Variants in PRPF31 observed in about 807,000 individuals in gnomAD.
PRPF31 encodes U4/U6 small nuclear ribonucleoprotein Prp31.
PRPF31 carries 12 observed loss-of-function variants against 60.4 expected under a neutral mutation model. The observed-to-expected ratio is 0.20, with a 90% confidence interval of 0.13 to 0.32. The LOEUF (loss-of-function observed/expected upper bound fraction) is 0.32. PRPF31 is among the 10% of genes least tolerant of loss of function. The pLI is 1.00. For missense variants in PRPF31, 431 were observed against 687.1 expected (o/e 0.63, Z 4.17); for synonymous variants, 287 against 287.9 (o/e 1.00, Z 0.03).
intron 5 of PRPF31, chr19:54,123,121 T>TGGGGAAGCCCCTGC: frequency 1.9e-6 from 1 of 517,590 alleles, no homozygotes. Flanking sequence ...AGGATGGCGG[T>TGGGGAAGCCCCTGC]GGGGAAGCCC....
chr19:54,117,206 C>G (rs1182374457), intron 1 of PRPF31, among the ~76,000 whole-genome samples: 1 of 152,184 alleles, frequency 6.6e-6, no homozygotes, highest in Non-Finnish European at 1.5e-5. Context: ...GTAACCAACT[C>G]AAGTTTCTGC....
intron 3 of PRPF31, chr19:54,118,904 G>A (rs1047166847): frequency 1.7e-5 from 9 of 517,140 alleles, no homozygotes; most frequent in African/African-American, 7.7e-5. Flanking sequence ...TCACATGACC[G>A]GTTACAGGGT....
chr19:54,119,976 A>G (rs1600329369), intron 3 of PRPF31: 1 of 152,304 alleles, frequency 6.6e-6, no homozygotes, highest in East Asian at 1.9e-4. Context: ...GGTCTAGTGG[A>G]AGAGGCAGGC....
At position 54,118,454 on chromosome 19, in the gene PRPF31, T is replaced by C. The variant is rs907213516; in HGVS notation, c.176T>C (p.Met59Thr). Reference sequence around the variant, plus strand: ...ATCGCCAAGCTATGGGATAGTAAGATGGTAAGAGGACAAGAGGTGTTCCTA... The same window carrying C: ...ATCGCCAAGCTATGGGATAGTAAGACGGTAAGAGGACAAGAGGTGTTCCTA... ...KTIAKLWDSK[M>T]FAEIMMKIEE... Residue 59 changes from methionine (M) to threonine (T), a missense_variant and splice_region_variant, in exon 2 of 14, where the codon ATG becomes ACG. Met to Thr is a moderately conservative substitution (Grantham distance 81). Transcript: ENST00000321030. The C allele has an allele frequency of 1.2e-6, 2 of 1,613,990 alleles. No individual in the cohort carries two copies. The highest frequency in any genetic ancestry group is 1.6e-4 in the Middle Eastern group (1 of 6,084).
At position 54,121,049 on chromosome 19, in the gene PRPF31, T is replaced by C. The variant is rs150203578; in HGVS notation, c.239-811T>C. Reference sequence around the variant, plus strand: ...GCTCACGCCTGTCATCCCAGCACTTTGGGTGGTCAAGGCAGATGGATCACC... The same window carrying C: ...GCTCACGCCTGTCATCCCAGCACTTCGGGTGGTCAAGGCAGATGGATCACC... On this transcript the variant is annotated intron_variant, in intron 3 of 13. Transcript: ENST00000321030. Among the ~76,000 whole-genome samples, 360 of 152,188 alleles carry C rather than the reference T, an allele frequency of 2.4e-3. 6 individuals carry two copies. In the East Asian group the frequency reaches 0.034, roughly 14 times the overall value.
At chr19:54,117,103 G>T (rs2073664015) in intron 1 of PRPF31, among the ~76,000 whole-genome samples, 1 of 151,540 alleles carries the variant, frequency 6.6e-6, no homozygotes, top group African/African-American at 2.4e-5. Flanking sequence ...TCAAAAAAAA[G>T]AAAAGAAAAG....
At chr19:54,124,337 C>A in intron 7 of PRPF31, 162 bp from the exon 8 acceptor site, 2 of 753,596 alleles carry the variant, frequency 2.7e-6, no homozygotes, top group Non-Finnish European at 2.3e-6. Flanking sequence ...CTGCCCCTTG[C>A]GGAATGGGCC....
intron 13 of PRPF31, 39 bp from the exon 14 acceptor site, chr19:54,131,268 C>T: frequency 6.2e-7 from 1 of 1,612,830 alleles, no homozygotes; most frequent in Non-Finnish European, 8.5e-7. Context: ...GGGCCTTCTC[C>T]TCACCTAACC....
intron 5 of PRPF31, 65 bp downstream of exon 5, chr19:54,122,659 C>T: frequency 7.4e-7 from 1 of 1,347,064 alleles, no homozygotes. Flanking sequence ...CACTCTCGGA[C>T]CCCCTCCCAG....
At chr19:54,122,355 A>C (rs1170088561) in intron 4 of PRPF31, 142 bp from the exon 5 acceptor site, 2 of 780,900 alleles carry the variant, frequency 2.6e-6, no homozygotes, top group Non-Finnish European at 4.7e-6. Flanking sequence ...ACGGCTGAGA[A>C]AGGCTGTATG....
At chr19:54,118,086 G>C (rs1210869026) in intron 1 of PRPF31, among the ~76,000 whole-genome samples, 185 bp from the exon 2 acceptor site, 2 of 152,180 alleles carry the variant, frequency 1.3e-5, no homozygotes. Context: ...GCTGCGTCTT[G>C]CACAGGTCGG....
In PRPF31 at chr19:54,124,515, G is replaced by A. The variant is rs2073872283; in HGVS notation, c.714G>A (p.Leu238=). ...AAKIMGVAGG[L]TNLSKMPACN... is the part of the protein sequence containing the mutation. ...CCACCGCAGGTGTGGCCGGCGGCCT[G>A]ACCAACCTCTCCAAGATGCCCGCCT... The change falls in exon 8 of 14, where the codon CTG becomes CTA. Residue 238 remains leucine, a synonymous_variant. Transcript: ENST00000321030. 1 of 1,608,292 alleles carries A rather than the reference G, an allele frequency of 6.2e-7. No individual in the cohort carries two copies. The highest frequency in any genetic ancestry group is 8.5e-7 in the Non-Finnish European group (1 of 1,179,370).
chr19:54,124,721 C>G, intron 8 of PRPF31, 65 bp downstream of exon 8: 1 of 1,551,542 alleles, frequency 6.4e-7, no homozygotes, highest in Non-Finnish European at 8.8e-7. Flanking sequence ...GCCCAGACAG[C>G]CTGAGCAGCC....
intron 3 of PRPF31, among the ~76,000 whole-genome samples, chr19:54,120,976 G>A (rs1336116124): frequency 1.3e-5 from 2 of 152,094 alleles, no homozygotes; most frequent in African/African-American, 2.4e-5. Context: ...GGATGCTCTG[G>A]GGAGAGGGAG....
intron 9 of PRPF31, among the ~76,000 whole-genome samples, chr19:54,127,385 C>G (rs1182428833): frequency 6.6e-6 from 1 of 152,140 alleles, no homozygotes; most frequent in African/African-American, 2.4e-5. Context: ...ATATCTCCGC[C>G]TCTGTTTTTG....
At chr19:54,124,437 C>A in intron 7 of PRPF31, 62 bp from the exon 8 acceptor site, 1 of 1,402,324 alleles carries the variant, frequency 7.1e-7, no homozygotes, top group Non-Finnish European at 1.0e-6. Flanking sequence ...GGCAGATTTA[C>A]TCACCCCCAC....
chr19:54,118,144 G>A lies in PRPF31; in HGVS notation c.-8-127G>A, dbSNP rs1357071096. On this transcript the variant is annotated intron_variant, in intron 1 of 13. Coordinates refer to ENST00000321030, the MANE Select transcript of PRPF31 (RefSeq NM_015629.4). ...AAAACAAACTAAAGCACCTGTTGTC[G>A]TGGAGCCTGCATGCTAGTGGGGTTG... 20 of 1,339,308 alleles carry A rather than the reference G, an allele frequency of 1.5e-5. 1 individual carries two copies. The highest frequency in any genetic ancestry group is 1.4e-4 in the South Asian group (12 of 85,114). The allele number at this position is 1,339,308 out of a possible 1,614,324, so 83.0% of individuals were successfully genotyped here.
rs1568597950 is a variant in PRPF31, at chr19:54,128,285, G to A, written c.1074-20G>A. ...TCCTCCCAGCCGACTCCCTGGCGCC[G>A]CCCACCCACCCGTCCCCAGGTACCG... On this transcript the variant is annotated intron_variant, in intron 10 of 13. Transcript: ENST00000321030. 7 of 1,540,726 alleles carry A rather than the reference G, an allele frequency of 4.5e-6. No homozygotes were observed. The highest frequency in any genetic ancestry group is 2.2e-4 in the Middle Eastern group (1 of 4,552).
In PRPF31 at chr19:54,124,150, A is replaced by G. The variant is rs587627235; in HGVS notation, c.697+232A>G. The G allele has an allele frequency of 6.8e-5, 59 of 871,066 alleles. No homozygotes were observed. The Admixed American group carries it at 1.6e-3, about 23-fold the overall frequency. The allele number at this position is 871,066 out of a possible 1,614,324, so 54.0% of individuals were successfully genotyped here. ...CTGTGCCGGAAACCCAGAGATGACCACACCCAGGCCCTGTTGTCAGGGAGC... is the reference window on the plus strand; with the variant it reads ...CTGTGCCGGAAACCCAGAGATGACCGCACCCAGGCCCTGTTGTCAGGGAGC... On this transcript the variant is annotated intron_variant, in intron 7 of 13. Transcript: ENST00000321030.
Sources: allele counts gnomAD v4.1 joint callset (sites outside exome capture counted in the v4.1 genomes callset), GRCh38; gene constraint gnomAD v4.1.1; transcripts MANE v1.5; gene names NCBI Gene and HGNC (gene_info 2026-07-23, HGNC 2026-07-21).